COPS2: variants seen among roughly 807,000 people sequenced by gnomAD.
The protein encoded by COPS2 is COP9 signalosome complex subunit 2.
In COPS2, 10 loss-of-function variants were observed where a neutral mutation model predicts 66.1. The ratio of observed to expected loss-of-function variants is 0.15; its 90% confidence interval spans 0.09 to 0.26. The LOEUF is 0.26. COPS2 is among the 10% of genes least tolerant of loss of function. The pLI, the probability that COPS2 is intolerant of heterozygous loss-of-function variation, is 1.00. For missense variants in COPS2, 215 were observed against 513.3 expected, an observed-to-expected ratio of 0.42 and a Z score of 5.62; for synonymous variants, 179 against 171.3, an observed-to-expected ratio of 1.04 and a Z score of -0.35.
At chr15:49,146,452 C>T (rs1481078162) in intron 1 of COPS2, among the ~76,000 whole-genome samples, 1 of 151,994 alleles carries the variant, frequency 6.6e-6, no homozygotes, top group Non-Finnish European at 1.5e-5. Flanking sequence ...ATAAGCCAAC[C>T]ATACACAGAA....
chr15:49,128,624 C>T, intron 12 of COPS2, 78 bp downstream of exon 12: 1 of 1,000,182 alleles, frequency 1.0e-6, no homozygotes, highest in Non-Finnish European at 1.5e-6. Context: ...AATCAAGAAT[C>T]CAATTGTTAC....
intron 1 of COPS2, among the ~76,000 whole-genome samples, chr15:49,152,161 A>G (rs2084366960): frequency 6.7e-6 from 1 of 149,964 alleles, no homozygotes; most frequent in African/African-American, 2.4e-5. Context: ...CATTTTTTAA[A>G]TACTAAGAAA....
intron 1 of COPS2, among the ~76,000 whole-genome samples, chr15:49,147,619 T>A (rs1418740702): frequency 2.0e-5 from 3 of 151,688 alleles, no homozygotes; most frequent in African/African-American, 7.3e-5. Context: ...TCACACAGTG[T>A]CTTGTCATTC....
intron 4 of COPS2, chr15:49,137,726 A>G (rs566629225): frequency 7.6e-6 from 2 of 263,266 alleles, no homozygotes; most frequent in African/African-American, 2.2e-5. Flanking sequence ...GTCCTTCCCA[A>G]TCTAATAATA....
At chr15:49,130,277 C>A (rs2084198457) in intron 10 of COPS2, among the ~76,000 whole-genome samples, 1 of 152,134 alleles carries the variant, frequency 6.6e-6, no homozygotes, top group South Asian at 2.1e-4. Context: ...TTGCTAAAAA[C>A]CTCATTCACT....
rs2084148024 is a variant in COPS2 at position 49,124,367 on chromosome 15, T to C, written c.*3583A>G. 6.6e-6 allele frequency: 1 copy of C among 151,674 alleles called. No individual in the cohort carries two copies. Among genetic ancestry groups the C allele is most frequent in the Non-Finnish European group, 1.5e-5 (1 of 67,974 alleles). 9.4% of individuals were successfully genotyped at this position (151,674 alleles called of 1,614,324 possible). ...AGCCTGGGTGACAAGAGCGAAACTG[T>C]TTCCAAAAAAAGCAAAACAAAAACA... On this transcript the variant is annotated 3_prime_UTR_variant, in exon 13 of 13. Transcript: ENST00000388901.
At chr15:49,142,040 G>A (rs577028156) in intron 3 of COPS2, among the ~76,000 whole-genome samples, 18 of 152,266 alleles carry the variant, frequency 1.2e-4, no homozygotes, top group African/African-American at 3.6e-4. Flanking sequence ...TCTGTCCCTT[G>A]AAACACTTGG....
intron 11 of COPS2, among the ~76,000 whole-genome samples, chr15:49,129,136 C>T (rs902166179): frequency 6.6e-6 from 1 of 151,852 alleles, no homozygotes; most frequent in South Asian, 2.1e-4. Flanking sequence ...TCAATTTATG[C>T]CAAGAAAACA....
chr15:49,136,900 G>A (rs937731937), intron 6 of COPS2, among the ~76,000 whole-genome samples: 1 of 151,864 alleles, frequency 6.6e-6, no homozygotes, highest in African/African-American at 2.4e-5. Context: ...GAGGTGGGAA[G>A]ACTGCTTCAG....
intron 1 of COPS2, among the ~76,000 whole-genome samples, chr15:49,148,292 C>T: frequency 6.6e-6 from 1 of 150,618 alleles, no homozygotes; most frequent in Middle Eastern, 3.4e-3. Flanking sequence ...GCAAACAAAA[C>T]CGTAATATAA....
At chr15:49,128,263 TAGAAACCAGATTTCAGATACTTTTCATC>T (rs1299114691) in intron 12 of COPS2, among the ~76,000 whole-genome samples, 169 bp from the exon 13 acceptor site, 2 of 152,182 alleles carry the variant, frequency 1.3e-5, no homozygotes, top group Non-Finnish European at 2.9e-5. Context: ...AAACTCTAGA[TAGAAACCAGATTTCAGATACTTTTCATC>T]AGTTTCACTG....
At chr15:49,141,333 C>T (rs1197023482) in intron 3 of COPS2, among the ~76,000 whole-genome samples, 1 of 151,882 alleles carries the variant, frequency 6.6e-6, no homozygotes, top group Non-Finnish European at 1.5e-5. Flanking sequence ...CCCGTCTTTA[C>T]AAAAAACACA....
intron 1 of COPS2, among the ~76,000 whole-genome samples, chr15:49,146,391 C>A (rs1203707716): frequency 1.3e-5 from 2 of 151,914 alleles, no homozygotes; most frequent in Non-Finnish European, 2.9e-5. Flanking sequence ...CTAGGCTTGA[C>A]TACAAAGAAA....
chr15:49,149,035 A>G (rs1190545944), intron 1 of COPS2, among the ~76,000 whole-genome samples: 2 of 152,224 alleles, frequency 1.3e-5, no homozygotes, highest in Non-Finnish European at 2.9e-5. Flanking sequence ...TTTAATTAGT[A>G]TATAAAGAAT....
intron 1 of COPS2, among the ~76,000 whole-genome samples, chr15:49,151,645 C>T (rs1036821460): frequency 6.6e-6 from 1 of 151,900 alleles, no homozygotes; most frequent in South Asian, 2.1e-4. Context: ...AATCTATAAA[C>T]CTGTAAAATT....
chr15:49,133,338 T>C (rs953324716), intron 9 of COPS2, among the ~76,000 whole-genome samples: 9 of 152,132 alleles, frequency 5.9e-5, no homozygotes, highest in African/African-American at 2.2e-4. Context: ...ATTGAGAAAA[T>C]ATATGAGTAA....
chr15:49,134,147 G>A, intron 7 of COPS2, 39 bp from the exon 8 acceptor site: 2 of 1,551,208 alleles, frequency 1.3e-6, no homozygotes, highest in Middle Eastern at 1.7e-4. Flanking sequence ...GACATTTTCA[G>A]TTCTGTAATA....
chr15:49,152,435 A>C (rs1041265736), intron 1 of COPS2, among the ~76,000 whole-genome samples: 4 of 152,146 alleles, frequency 2.6e-5, no homozygotes, highest in African/African-American at 7.2e-5. Context: ...ATTTAATAGA[A>C]CGCTAGGGAA....
At chr15:49,136,635 T>C (rs919542056) in intron 6 of COPS2, among the ~76,000 whole-genome samples, 2 of 152,186 alleles carry the variant, frequency 1.3e-5, no homozygotes, top group East Asian at 3.9e-4. Context: ...ATCAATATAA[T>C]AGTAAGTATT....
Sources: allele counts gnomAD v4.1 joint callset (sites outside exome capture counted in the v4.1 genomes callset), GRCh38; gene constraint gnomAD v4.1.1; transcripts MANE v1.5; gene names NCBI Gene and HGNC (gene_info 2026-07-23, HGNC 2026-07-21).